The following PCSK5 variants were observed in gnomAD, a reference collection of about 807,000 sequenced individuals.
PCSK5 encodes the protein proprotein convertase subtilisin/kexin type 5.
A neutral mutation model predicts 233.2 loss-of-function variants in PCSK5; 129 were observed. The ratio of observed to expected loss-of-function variants is 0.55; its 90% confidence interval spans 0.48 to 0.64. PCSK5 has a LOEUF of 0.64. Ranked by LOEUF, PCSK5 falls within the 30% of genes least tolerant of loss-of-function variation. PCSK5 has a pLI of 0.00. For synonymous variants in PCSK5, 825 were observed against 879.2 expected (o/e 0.94, Z 1.09); for missense variants, 2,076 against 2,430.1 (o/e 0.85, Z 3.06).
Position 76,188,745 on chromosome 9 carries a change from A to G in PCSK5, c.2380+70A>G. 4 of 1,058,402 alleles carry G rather than the reference A, an allele frequency of 3.8e-6. No individual in the cohort carries two copies. The South Asian group carries it at 3.9e-5, about 10-fold the overall frequency. The allele number at this position is 1,058,402 out of a possible 1,614,324, so 65.6% of individuals were successfully genotyped here. ...GCTTTTCTTTCTGGTTTGGGCCATC[A>G]CTCATGCAACCCACTTGATACTTTT... On this transcript the variant is annotated intron_variant, in intron 18 of 37. Transcript: ENST00000674117.
chr9:75,989,589 G>A (rs1346741900), intron 3 of PCSK5, among the ~76,000 whole-genome samples: 1 of 152,154 alleles, frequency 6.6e-6, no homozygotes, highest in Non-Finnish European at 1.5e-5. Flanking sequence ...GGGATGTCTG[G>A]GGCTTTAGCT....
In PCSK5 at chr9:76,362,581, T is replaced by C. The variant is rs1309121206; in HGVS notation, c.*3659T>C. On this transcript the variant is annotated 3_prime_UTR_variant, in exon 38 of 38. Transcript: ENST00000674117. ...CTAAGGGAGGAAACCACCCCTCATATTGTCTTATGCCCAATTTCTGCCTCC... is the reference window on the plus strand; with the variant it reads ...CTAAGGGAGGAAACCACCCCTCATACTGTCTTATGCCCAATTTCTGCCTCC... 6.6e-6 allele frequency among the ~76,000 whole-genome samples: 1 copy of C among 152,226 alleles called. No individual in the cohort carries two copies.
chr9:75,902,790 T>C (rs1393354979), intron 1 of PCSK5, among the ~76,000 whole-genome samples: 2 of 152,216 alleles, frequency 1.3e-5, no homozygotes, highest in African/African-American at 4.8e-5. Context: ...TTATCTCTGC[T>C]TTACACATCT....
chr9:76,098,791 G>A (rs1295473591), intron 8 of PCSK5, among the ~76,000 whole-genome samples: 1 of 152,196 alleles, frequency 6.6e-6, no homozygotes, highest in Non-Finnish European at 1.5e-5. Flanking sequence ...AACACAGTAT[G>A]TACAGAGGGA....
intron 20 of PCSK5, among the ~76,000 whole-genome samples, chr9:76,220,889 T>C (rs140625159): frequency 1.3e-3 from 197 of 152,326 alleles, no homozygotes; most frequent in Middle Eastern, 6.8e-3. Flanking sequence ...TGAAATGTTG[T>C]ATCCTTTGAC....
chr9:75,912,628 G>C (rs532555388), intron 1 of PCSK5, among the ~76,000 whole-genome samples: 1 of 152,294 alleles, frequency 6.6e-6, no homozygotes, highest in South Asian at 2.1e-4. Flanking sequence ...TGCACAGTCA[G>C]TACTAAGTGA....
At chr9:75,937,965 C>T (rs1249887018) in intron 2 of PCSK5, among the ~76,000 whole-genome samples, 9 of 152,150 alleles carry the variant, frequency 5.9e-5, no homozygotes. Flanking sequence ...CTTGTTTGGT[C>T]TTCTATCCAG....
At chr9:75,993,081 AT>A (rs1165498155) in intron 3 of PCSK5, among the ~76,000 whole-genome samples, 3 of 152,028 alleles carry the variant, frequency 2.0e-5, no homozygotes, top group Non-Finnish European at 4.4e-5. Context: ...TTATACTGTC[AT>A]TTGACTCATA....
rs771819657 is a variant in PCSK5 at position 76,310,701 on chromosome 9, G to A, written c.3734G>A (p.Gly1245Asp). The change falls in exon 30 of 38, where the codon GGC becomes GAC. Residue 1245 changes from glycine (G) to aspartate (D), a missense_variant. By Grantham distance (94) the Gly-to-Asp change is moderately conservative (BLOSUM62 -1). This residue lies in a region of PCSK5 where 1,510 missense variants were observed against 1,538.1 expected (regional missense o/e 0.98). Transcript: ENST00000674117. The stretch of plus-strand genomic sequence containing the variant: ...GCCTGTGTTTCCTCCTGTCCCCAAG[G>A]CACATGGCCTTCCGTAAGGAGTGGG... ...AQACVSSCPQ[G>D]TWPSVRSGSC... The A allele has an allele frequency of 5.0e-6, 8 of 1,609,866 alleles. No homozygotes were observed. The African/African-American group carries it at 9.4e-5, about 19-fold the overall frequency.
At chr9:76,087,909 G>T (rs1002555336) in intron 7 of PCSK5, among the ~76,000 whole-genome samples, 1 of 152,178 alleles carries the variant, frequency 6.6e-6, no homozygotes, top group Non-Finnish European at 1.5e-5. Flanking sequence ...AGACAGAAAT[G>T]AGCAGAAATA....
intron 9 of PCSK5, among the ~76,000 whole-genome samples, chr9:76,114,772 T>C (rs890527788): frequency 2.0e-5 from 3 of 152,160 alleles, no homozygotes; most frequent in Non-Finnish European, 4.4e-5. Context: ...TTCCAAAGAA[T>C]AGTTGTCAGT....
rs1197448170 is a variant in PCSK5 at position 76,064,355 on chromosome 9, G to A, written c.633-3600G>A. Among the ~76,000 whole-genome samples, 60 of 117,510 alleles carry A rather than the reference G, an allele frequency of 5.1e-4. 1 individual carries two copies. Among genetic ancestry groups the A allele is most frequent in the Admixed American group, 3.4e-3 (45 of 13,364 alleles). 77.1% of individuals were successfully genotyped at this position (117,510 alleles called of 152,430 possible). The stretch of plus-strand genomic sequence containing the variant: ...CCCGGACGGGGCGGCTGGCCGGGCG[G>A]GGGGCTGACCCCCCCACCTCCCTCC... On this transcript the variant is annotated intron_variant, in intron 5 of 37. Transcript: ENST00000674117.
intron 9 of PCSK5, among the ~76,000 whole-genome samples, chr9:76,119,841 T>C (rs556618413): frequency 6.6e-6 from 1 of 152,070 alleles, no homozygotes; most frequent in African/African-American, 2.4e-5. Context: ...TAAGTTATTA[T>C]TGACTATAGT....
At chr9:76,281,773 TG>T (rs1458007345) in intron 24 of PCSK5, among the ~76,000 whole-genome samples, 3 of 152,150 alleles carry the variant, frequency 2.0e-5, no homozygotes, top group Non-Finnish European at 4.4e-5. Context: ...CTCAGCCTCC[TG>T]GGTTTCTAGA....
At chr9:76,246,309 TCCA>T in intron 24 of PCSK5, among the ~76,000 whole-genome samples, 1 of 116,412 alleles carries the variant, frequency 8.6e-6, no homozygotes, top group East Asian at 3.0e-4. Flanking sequence ...GCCACTGCAC[TCCA>T]CCCTGGGCGA....
At chr9:76,095,835 C>A in intron 7 of PCSK5, 55 bp from the exon 8 acceptor site, 1 of 1,520,786 alleles carries the variant, frequency 6.6e-7, no homozygotes. Context: ...GGATTCTGAC[C>A]TCTTCATTTA....
chr9:76,300,001 A>G (rs1476524682), intron 27 of PCSK5, among the ~76,000 whole-genome samples: 1 of 152,246 alleles, frequency 6.6e-6, no homozygotes, highest in Admixed American at 6.5e-5. Context: ...GGTTCTAATT[A>G]CATATTCTGC....
chr9:76,059,306 G>T (rs917411141), intron 5 of PCSK5, among the ~76,000 whole-genome samples: 1 of 152,158 alleles, frequency 6.6e-6, no homozygotes, highest in Non-Finnish European at 1.5e-5. Context: ...CCATTCTGTA[G>T]GTTGCCTGTT....
intron 2 of PCSK5, among the ~76,000 whole-genome samples, chr9:75,948,008 A>AT (rs1363743537): frequency 4.0e-5 from 6 of 149,818 alleles, no homozygotes; most frequent in African/African-American, 9.8e-5. Context: ...TGCCCACTTA[A>AT]TTTTTTTTTT....
Sources: allele counts gnomAD v4.1 joint callset (sites outside exome capture counted in the v4.1 genomes callset), GRCh38; gene constraint gnomAD v4.1.1; regional missense constraint gnomAD v4.1.1; transcripts MANE v1.5; gene names NCBI Gene and HGNC (gene_info 2026-07-23, HGNC 2026-07-21).